MSH3: variants seen among roughly 807,000 people sequenced by gnomAD.
MSH3 encodes DNA mismatch repair protein Msh3.
MSH3 carries 106 observed loss-of-function variants against 123.3 expected under a neutral mutation model. The ratio of observed to expected loss-of-function variants is 0.86; its 90% CI spans 0.73 to 1.01. The LOEUF (loss-of-function observed/expected upper bound fraction) is 1.01, where lower values mean the gene tolerates loss of function less well. MSH3 is among the 50% of genes least tolerant of loss of function. The pLI is 0.00. For missense variants in MSH3, 1,459 were observed against 1,347.6 expected, an observed-to-expected ratio of 1.08 and a Z score of -1.29; for synonymous variants, 515 against 481.4, an observed-to-expected ratio of 1.07 and a Z score of -0.91.
intron 21 of MSH3, chr5:80,855,791 G>T (rs1745906105): frequency 6.6e-6 from 1 of 151,252 alleles, no homozygotes; most frequent in Non-Finnish European, 1.5e-5. Flanking sequence ...CAGCAAATAG[G>T]TTGTACCTAG....
At chr5:80,714,403 T>A (rs1467906960) in intron 8 of MSH3, among the ~76,000 whole-genome samples, 1 of 152,096 alleles carries the variant, frequency 6.6e-6, no homozygotes, top group Admixed American at 6.6e-5. Context: ...CCCAAAGTGC[T>A]GAGATTACAG....
rs1427705606 is a variant in MSH3 at position 80,817,934 on chromosome 5, G to A, written c.2813+4193G>A. On this transcript the variant is annotated intron_variant, in intron 20 of 23. Transcript: ENST00000265081. Reference sequence around the variant, plus strand: ...AAAAAAAATCAAACTGAATAGTCGGGCATGGTGGCTCATGCTTGTAATCCC... The same window carrying A: ...AAAAAAAATCAAACTGAATAGTCGGACATGGTGGCTCATGCTTGTAATCCC... 2.0e-5 allele frequency among the ~76,000 whole-genome samples: 3 copies of A among 152,296 alleles called. No individual in the cohort carries two copies. In the South Asian group the frequency reaches 6.2e-4, roughly 32 times the overall value.
chr5:80,793,157 G>C (rs959238989), intron 19 of MSH3, among the ~76,000 whole-genome samples: 1 of 152,198 alleles, frequency 6.6e-6, no homozygotes, highest in Non-Finnish European at 1.5e-5. Flanking sequence ...GCAAATTCAT[G>C]TTAGCATGTA....
intron 20 of MSH3, among the ~76,000 whole-genome samples, chr5:80,835,364 G>T (rs1288524561): frequency 6.6e-6 from 1 of 152,196 alleles, no homozygotes; most frequent in Non-Finnish European, 1.5e-5. Context: ...GTAGTCACCA[G>T]TGACAAAATC....
chr5:80,672,901 G>A, intron 6 of MSH3, 43 bp downstream of exon 6: 1 of 1,417,758 alleles, frequency 7.1e-7, no homozygotes, highest in Non-Finnish European at 1.0e-6. Flanking sequence ...ATGATACAAG[G>A]GCTTTGTTGG....
intron 20 of MSH3, among the ~76,000 whole-genome samples, chr5:80,846,283 C>G (rs946512072): frequency 6.6e-6 from 1 of 152,016 alleles, no homozygotes; most frequent in African/African-American, 2.4e-5. Context: ...AAGTTTCATC[C>G]CAGAGGGGCA....
chr5:80,740,596 G>A (rs112402752), intron 10 of MSH3, among the ~76,000 whole-genome samples: 12,120 of 152,102 alleles, frequency 0.08, 852 homozygotes, highest in East Asian at 0.33. Flanking sequence ...TCTTGACCTC[G>A]TGATCCACCC....
chr5:80,799,586 AT>A (rs1298442631), intron 19 of MSH3, among the ~76,000 whole-genome samples: 1 of 52,914 alleles, frequency 1.9e-5, no homozygotes, highest in South Asian at 6.2e-4. Flanking sequence ...GTTTTATTTT[AT>A]TTTTTTTCTG....
intron 8 of MSH3, among the ~76,000 whole-genome samples, chr5:80,701,490 T>G (rs981183176): frequency 2.0e-5 from 3 of 152,212 alleles, no homozygotes; most frequent in Admixed American, 2.0e-4. Context: ...CTGACAGCAA[T>G]GTAAAAGACA....
At chr5:80,691,949 A>C (rs1354014950) in intron 8 of MSH3, among the ~76,000 whole-genome samples, 5 of 97,782 alleles carry the variant, frequency 5.1e-5, no homozygotes, top group Non-Finnish European at 1.0e-4. Flanking sequence ...ATATGTTTAT[A>C]TAGATAAACA....
chr5:80,809,155 A>G (rs1206796004), intron 19 of MSH3, among the ~76,000 whole-genome samples: 2 of 151,876 alleles, frequency 1.3e-5, no homozygotes, highest in Non-Finnish European at 2.9e-5. Flanking sequence ...AATTTCATAT[A>G]TATTTTCTTA....
chr5:80,793,179 T>C (rs1744638683), intron 19 of MSH3, among the ~76,000 whole-genome samples: 1 of 152,272 alleles, frequency 6.6e-6, no homozygotes, highest in East Asian at 1.9e-4. Flanking sequence ...TGTTCCATCC[T>C]TTGTACTGTG....
At chr5:80,674,947 T>C in intron 6 of MSH3, 36 bp from the exon 7 acceptor site, 1 of 1,443,670 alleles carries the variant, frequency 6.9e-7, no homozygotes, top group South Asian at 1.2e-5. Flanking sequence ...GGATTTAGAA[T>C]TTAGCATATA....
At chr5:80,656,659 A>C in intron 2 of MSH3, 128 bp downstream of exon 2, 1 of 1,269,726 alleles carries the variant, frequency 7.9e-7, no homozygotes, top group East Asian at 2.4e-5. Context: ...TTTGTTCCTG[A>C]GCAGAGTGGC....
chr5:80,701,698 TC>T (rs1750614173), intron 8 of MSH3, among the ~76,000 whole-genome samples: 2 of 152,204 alleles, frequency 1.3e-5, no homozygotes, highest in South Asian at 4.1e-4. Flanking sequence ...CTTGCTTATC[TC>T]CCAGCCTTTG....
intron 12 of MSH3, 116 bp from the exon 13 acceptor site, chr5:80,761,430 G>A: frequency 8.1e-7 from 1 of 1,231,220 alleles, no homozygotes; most frequent in Non-Finnish European, 1.2e-6. Flanking sequence ...TATGAAGGAG[G>A]AGTTTCCTTT....
intron 8 of MSH3, among the ~76,000 whole-genome samples, chr5:80,711,005 T>A (rs1402531885): frequency 6.6e-6 from 1 of 152,182 alleles, no homozygotes; most frequent in African/African-American, 2.4e-5. Flanking sequence ...CAGACTAGAA[T>A]TTTTTTGTTA....
intron 19 of MSH3, among the ~76,000 whole-genome samples, chr5:80,808,868 TATATATATATATATAC>T (rs887904343): frequency 2.2e-4 from 27 of 125,422 alleles, no homozygotes; most frequent in Non-Finnish European, 3.6e-4. Flanking sequence ...CATATATATA[TATATATATATATATAC>T]ACAATCTAAA....
chr5:80,693,624 T>TAC (rs370934498), intron 8 of MSH3, among the ~76,000 whole-genome samples: 19,255 of 145,922 alleles, frequency 0.13, 1,413 homozygotes, highest in African/African-American at 0.17. Context: ...CACACACATA[T>TAC]ACACACACAC....
Sources: allele counts gnomAD v4.1 joint callset (sites outside exome capture counted in the v4.1 genomes callset), GRCh38; gene constraint gnomAD v4.1.1; transcripts MANE v1.5; gene names NCBI Gene and HGNC (gene_info 2026-07-23, HGNC 2026-07-21).